The following KHSRP variants were observed in gnomAD, a reference collection of about 807,000 sequenced individuals.
KHSRP encodes the protein KH-type splicing regulatory protein.
A neutral mutation model predicts 94.9 loss-of-function variants in KHSRP; 13 were observed. That is an observed-to-expected ratio of 0.14 (90% CI 0.09 to 0.22). The LOEUF is 0.22. Among genes scored for constraint, KHSRP ranks in the 10% least tolerant of loss-of-function variants. The pLI is 1.00. For synonymous variants in KHSRP, 495 were observed against 401.4 expected (o/e 1.23, Z -2.79); for missense variants, 710 against 1,010.0 (o/e 0.70, Z 4.03).
In KHSRP at chr19:6,414,051, A is replaced by G; in HGVS notation, c.*973T>C. The G allele has an allele frequency of 1.3e-6, 2 of 1,573,126 alleles. No homozygotes were observed. Among genetic ancestry groups the G allele is most frequent in the East Asian group, 2.3e-5 (1 of 43,432 alleles). ...CGCCAAACAAAACAGAAGCCCCCAA[A>G]CAGAACAAAATGGAAAAAAAAAAGA... On this transcript the variant is annotated 3_prime_UTR_variant, in exon 19 of 19. Transcript: ENST00000600480.
intron 4 of KHSRP, 133 bp downstream of exon 4, chr19:6,421,144 AG>A: frequency 1.3e-6 from 1 of 781,904 alleles, no homozygotes; most frequent in Non-Finnish European, 2.1e-6. Flanking sequence ...TTCCCGTCTG[AG>A]CACTCTGGTC....
rs2092169918 is a variant in KHSRP, at chr19:6,418,390, C to T, written c.879+93G>A. The T allele has an allele frequency of 1.1e-6, 1 of 890,992 alleles. No homozygotes were observed. Among genetic ancestry groups the T allele is most frequent in the Admixed American group, 2.1e-5 (1 of 47,720 alleles). The allele number at this position is 890,992 out of a possible 1,614,324, so 55.2% of individuals were successfully genotyped here. A position where few individuals can be genotyped will look rare whatever the true frequency, so the allele number is the denominator to read the frequency against. ...GTGTTATGACCGACTGTTCACATATCTCTCTGGCGGAATGCAGACCCCGAG... is the reference window on the plus strand; with the variant it reads ...GTGTTATGACCGACTGTTCACATATTTCTCTGGCGGAATGCAGACCCCGAG... On this transcript the variant is annotated intron_variant, in intron 9 of 18. Coordinates refer to ENST00000600480, the MANE Select transcript of KHSRP (RefSeq NM_001366299.1). This position sits in a 1 kb window ranked among gnomAD's most constrained non-coding sequence, Gnocchi z 4.3.
chr19:6,415,600 G>A lies in KHSRP; in HGVS notation c.1822C>T (p.Pro608Ser). ...GACTGGCCGGTGGGTGGGGGCTGAGGGGGCTCACCCTGAGCCGGTGGGGCC... is the reference window on the plus strand; with the variant it reads ...GACTGGCCGGTGGGTGGGGGCTGAGAGGGCTCACCCTGAGCCGGTGGGGCC... Reference protein sequence around the residue: ...PAAPPAQGEPPQPPPTGQSDY... With the variant: ...PAAPPAQGEPSQPPPTGQSDY... Residue 608 changes from proline (P) to serine (S), a missense_variant, in exon 17 of 19, where the codon CCT becomes TCT. By Grantham distance (74) the Pro-to-Ser change is moderately conservative. Coordinates refer to ENST00000600480, the MANE Select transcript of KHSRP (RefSeq NM_001366299.1). 6.6e-7 allele frequency: 1 copy of A among 1,516,814 alleles called. No individual in the cohort carries two copies. The highest frequency in any genetic ancestry group is 1.4e-5 in the African/African-American group (1 of 72,620). The allele number at this position is 1,516,814 out of a possible 1,614,324, so 94.0% of individuals were successfully genotyped here.
Position 6,413,358 on chromosome 19 carries a change from T to TAA in KHSRP, c.*1665_*1666insTT. ...GCACCCGCAGACGGGGAGGTTTTGTTATCATTTATTTGTGAAGTTAAAAAC... is the reference window on the plus strand; with the variant it reads ...GCACCCGCAGACGGGGAGGTTTTGTTAAATCATTTATTTGTGAAGTTAAAAAC... On this transcript the variant is annotated 3_prime_UTR_variant, in exon 19 of 19. Coordinates refer to ENST00000600480, the MANE Select transcript of KHSRP (RefSeq NM_001366299.1). The TAA allele has an allele frequency of 2.6e-6, 1 of 388,378 alleles. No homozygotes were observed. Among genetic ancestry groups the TAA allele is most frequent in the South Asian group, 1.8e-5 (1 of 55,844 alleles). The allele number at this position is 388,378 out of a possible 1,614,324, so 24.1% of individuals were successfully genotyped here. A position where few individuals can be genotyped will look rare whatever the true frequency, so the allele number is the denominator to read the frequency against.
chr19:6,421,065 C>A, intron 4 of KHSRP: 2 of 586,146 alleles, frequency 3.4e-6, no homozygotes, highest in East Asian at 2.9e-5. Context: ...ACAGTGACTG[C>A]CACGACGCTC....
At chr19:6,416,080 C>CATTG (rs1372563002) in intron 15 of KHSRP, among the ~76,000 whole-genome samples, 184 bp from the exon 16 acceptor site, 6 of 152,200 alleles carry the variant, frequency 3.9e-5, no homozygotes, top group Non-Finnish European at 7.3e-5. Context: ...AGCTTGAGGA[C>CATTG]ATGAAAGAAG....
chr19:6,419,327 C>G (rs927104106), intron 6 of KHSRP, 67 bp from the exon 7 acceptor site: 37 of 1,436,472 alleles, frequency 2.6e-5, no homozygotes, highest in African/African-American at 4.4e-5. Context: ...GCCTTGGACA[C>G]GAGGAAACTT....
intron 1 of KHSRP, among the ~76,000 whole-genome samples, chr19:6,422,691 C>T (rs2092202256): frequency 6.6e-6 from 1 of 152,126 alleles, no homozygotes; most frequent in Non-Finnish European, 1.5e-5. Context: ...TTAATTGTGG[C>T]CAGCCCATAA....
chr19:6,421,101 G>A, intron 4 of KHSRP, 177 bp downstream of exon 4: 1 of 633,990 alleles, frequency 1.6e-6, no homozygotes, highest in South Asian at 2.0e-5. Flanking sequence ...TCAGACAAGG[G>A]GTACGAGGAA....
In KHSRP at chr19:6,417,785, G is replaced by A. The variant is rs2092161314; in HGVS notation, c.1035C>T (p.Ile345=). The part of the protein sequence containing the change: ...GVVIGRSGEM[I]KKIQNDAGVR... ...CGCCAGCATCATTCTGGATCTTCTTGATCATCTCTCCACTCCGGCCAATGA... is the reference window on the plus strand; with the variant it reads ...CGCCAGCATCATTCTGGATCTTCTTAATCATCTCTCCACTCCGGCCAATGA... The change falls in exon 11 of 19, where the codon ATC becomes ATT. Residue 345 remains isoleucine (I), a synonymous_variant. Coordinates refer to ENST00000600480, the MANE Select transcript of KHSRP (RefSeq NM_001366299.1). 2 of 1,613,802 alleles carry A rather than the reference G, an allele frequency of 1.2e-6. No individual in the cohort carries two copies. Among genetic ancestry groups the A allele is most frequent in the Non-Finnish European group, 1.7e-6 (2 of 1,179,854 alleles).
chr19:6,421,035 G>A (rs1378999441), intron 4 of KHSRP: 7 of 558,818 alleles, frequency 1.3e-5, no homozygotes, highest in Non-Finnish European at 1.9e-5. Flanking sequence ...GCCATAGGGT[G>A]CGGAGACCAC....
intron 6 of KHSRP, 60 bp downstream of exon 6, chr19:6,420,013 G>A: frequency 7.7e-7 from 1 of 1,302,344 alleles, no homozygotes. Flanking sequence ...AGTAATTAAA[G>A]GAAAGTGCAA....
rs192281933 is a variant in KHSRP at position 6,418,253 on chromosome 19, C to T, written c.880-174G>A. On this transcript the variant is annotated intron_variant, in intron 9 of 18. Coordinates refer to ENST00000600480, the MANE Select transcript of KHSRP (RefSeq NM_001366299.1). The surrounding 1 kb of genome is among the most constrained non-coding windows in gnomAD (Gnocchi z 4.3). Reference sequence around the variant, plus strand: ...AATGGGGAGGCACTACCAGCAGCCCCGTTTCCAGATAAAAAAGCAGAAGGT... The same window carrying T: ...AATGGGGAGGCACTACCAGCAGCCCTGTTTCCAGATAAAAAAGCAGAAGGT... Among the ~76,000 whole-genome samples, 185 of 152,270 alleles carry T rather than the reference C, an allele frequency of 1.2e-3. No homozygotes were observed. The highest frequency in any genetic ancestry group is 4.4e-3 in the African/African-American group (181 of 41,556).
At chr19:6,420,198 GC>G in intron 5 of KHSRP, 54 bp from the exon 6 acceptor site, 1 of 1,506,278 alleles carries the variant, frequency 6.6e-7, no homozygotes. Context: ...GGGAGCCCAG[GC>G]CTCAGGAGAC....
chr19:6,415,343 C>CTGCCCG (rs768781186), intron 18 of KHSRP, 37 bp downstream of exon 18: 1 of 1,611,628 alleles, frequency 6.2e-7, no homozygotes, highest in South Asian at 1.1e-5. Flanking sequence ...TGGGTGAGGG[C>CTGCCCG]TGCCCCTGCC....
intron 11 of KHSRP, 87 bp from the exon 12 acceptor site, chr19:6,417,174 C>T (rs1370336661): frequency 1.8e-5 from 18 of 1,010,566 alleles, no homozygotes; most frequent in Non-Finnish European, 2.6e-5. Flanking sequence ...AGCGCAGACA[C>T]CACGCCGGCC....
Position 6,424,780 on chromosome 19 carries a change from A to C in KHSRP, c.-79T>G, listed in dbSNP as rs2092223270. The C allele has an allele frequency of 3.9e-6, 2 of 515,410 alleles. No individual in the cohort carries two copies. Among genetic ancestry groups the C allele is most frequent in the Non-Finnish European group, 5.0e-6 (2 of 396,516 alleles). The allele number at this position is 515,410 out of a possible 1,614,324, so 31.9% of individuals were successfully genotyped here. ...GCGGCGGCGGCTCAACGCGGGAACA[A>C]GGCCTCGCTCCACACGGCCGCGGAG... On this transcript the variant is annotated 5_prime_UTR_variant, in exon 1 of 19. Transcript: ENST00000600480.
chr19:6,415,639 C>A lies in KHSRP; in HGVS notation c.1783G>T (p.Ala595Ser), dbSNP rs774754956. ...GCCGGTGGGGCCGCAGGGGCCGGTG[C>A]GGGGCCGGGGACGGGGCCCGGGGGC... ...QQPPGPVPGP[A>S]PAPAAPPAQG... Residue 595 changes from alanine to serine, a missense_variant, in exon 17 of 19, where the codon GCA becomes TCA. Transcript: ENST00000600480. 20 of 1,526,464 alleles carry A rather than the reference C, an allele frequency of 1.3e-5. No individual in the cohort carries two copies. The African/African-American group carries it at 2.1e-4, about 16-fold the overall frequency. The allele number at this position is 1,526,464 out of a possible 1,614,324, so 94.6% of individuals were successfully genotyped here.
Position 6,416,279 on chromosome 19 carries a change from G to A in KHSRP, c.1598+19C>T. On this transcript the variant is annotated intron_variant, in intron 15 of 18. Transcript: ENST00000600480. ...AGTAAGCCCCCGGCCTCAAAACCCA[G>A]GAGGCAGAGGATACTCACTGTGGGG... 1.9e-6 allele frequency: 3 copies of A among 1,571,418 alleles called. No homozygotes were observed. The highest frequency in any genetic ancestry group is 2.6e-6 in the Non-Finnish European group (3 of 1,155,804).
Sources: gnomAD v4.1 joint callset for allele counts (sites outside exome capture counted in the v4.1 genomes callset) on GRCh38, gnomAD v4.1.1 for gene constraint, Gnocchi (gnomAD v3.1) non-coding constraint, MANE v1.5 for transcripts, NCBI Gene and HGNC (gene_info 2026-07-23, HGNC 2026-07-21) for gene names.